The following TCEA1 variants were observed in gnomAD, a reference collection of about 807,000 sequenced individuals.
TCEA1 encodes the protein transcription elongation factor A protein 1.
Under a neutral mutation model 43.8 loss-of-function variants are expected in TCEA1, and 21 were observed. The ratio of observed to expected loss-of-function variants is 0.48; its 90% CI spans 0.34 to 0.69. The LOEUF (loss-of-function observed/expected upper bound fraction) is 0.69, where lower values mean the gene tolerates loss of function less well. TCEA1 is among the 30% of genes least tolerant of loss of function. The pLI, the probability that TCEA1 is intolerant of heterozygous loss-of-function variation, is 0.01. For missense variants in TCEA1, 250 were observed against 365.1 expected (o/e 0.68, Z 2.57); for synonymous variants, 104 against 117.5 (o/e 0.88, Z 0.75).
chr8:53,998,153 T>C, intron 3 of TCEA1, among the ~76,000 whole-genome samples: 1 of 152,200 alleles, frequency 6.6e-6, no homozygotes. Flanking sequence ...AATGTATATG[T>C]AAGATAAAAT....
At chr8:54,008,001 G>A (rs749452169) in intron 2 of TCEA1, among the ~76,000 whole-genome samples, 1 of 151,850 alleles carries the variant, frequency 6.6e-6, no homozygotes, top group Non-Finnish European at 1.5e-5. Flanking sequence ...GGCCAACATG[G>A]TGAAACCCCG....
In TCEA1 at chr8:54,022,235, CG is replaced by C; in HGVS notation, c.-111del. 7.7e-7 allele frequency: 1 copy of C among 1,290,920 alleles called. No individual in the cohort carries two copies. The highest frequency in any genetic ancestry group is 1.1e-6 in the Non-Finnish European group (1 of 911,538). The allele number at this position is 1,290,920 out of a possible 1,614,324, so 80.0% of individuals were successfully genotyped here. ...CCCGGCGCGCAGCAACCCCCACCAC[CG>C]CAGGCCCGGGCCTAGGCCCCCTTCC... On this transcript the variant is annotated 5_prime_UTR_variant, in exon 1 of 10. Transcript: ENST00000521604.
Position 53,984,347 on chromosome 8 carries a change from AT to A in TCEA1, c.678+15del. The A allele has an allele frequency of 6.3e-7, 1 of 1,582,114 alleles. No individual in the cohort carries two copies. Among genetic ancestry groups the A allele is most frequent in the Non-Finnish European group, 8.6e-7 (1 of 1,168,352 alleles). On this transcript the variant is annotated intron_variant, in intron 7 of 9. Transcript: ENST00000521604. ...CAGAATCACATTATAGAAACCTCAG[AT>A]TCACACATACTCACCTCTGCTGTCA... is the stretch of plus-strand genomic sequence containing the variant.
At chr8:53,998,971 G>A (rs528185018) in intron 3 of TCEA1, among the ~76,000 whole-genome samples, 1 of 152,288 alleles carries the variant, frequency 6.6e-6, no homozygotes, top group Admixed American at 6.5e-5. Flanking sequence ...GCTCACGCCT[G>A]TAATCCCAGC....
chr8:54,016,347 T>C (rs550069881), intron 1 of TCEA1, among the ~76,000 whole-genome samples: 8 of 152,116 alleles, frequency 5.3e-5, no homozygotes, highest in Non-Finnish European at 1.2e-4. Flanking sequence ...GCTGGGTGCC[T>C]GTAGCCCCAG....
intron 2 of TCEA1, among the ~76,000 whole-genome samples, chr8:54,004,377 C>T (rs971138082): frequency 3.3e-5 from 5 of 152,174 alleles, no homozygotes; most frequent in South Asian, 2.1e-4. Flanking sequence ...AAAGTCTAAA[C>T]GCATCACCTG....
chr8:54,006,351 C>T (rs764315362), intron 2 of TCEA1, among the ~76,000 whole-genome samples: 6 of 152,220 alleles, frequency 3.9e-5, no homozygotes, highest in Middle Eastern at 3.4e-3. Context: ...TGGTGATACA[C>T]GCCTGTAATC....
At chr8:53,972,748 G>A in intron 8 of TCEA1, 9 of 705,686 alleles carry the variant, frequency 1.3e-5, no homozygotes, top group South Asian at 1.2e-4. Flanking sequence ...CAACTCAAAT[G>A]ACTGAAGTAC....
At chr8:53,998,078 TG>T (rs1490192882) in intron 3 of TCEA1, among the ~76,000 whole-genome samples, 1 of 152,226 alleles carries the variant, frequency 6.6e-6, no homozygotes, top group African/African-American at 2.4e-5. Flanking sequence ...AAGCCCATTA[TG>T]AATTTGATAA....
At chr8:53,985,890 C>A (rs917968643) in intron 6 of TCEA1, among the ~76,000 whole-genome samples, 2 of 152,176 alleles carry the variant, frequency 1.3e-5, no homozygotes, top group Non-Finnish European at 2.9e-5. Context: ...AATTCAGACA[C>A]TACAGTCTCA....
intron 7 of TCEA1, among the ~76,000 whole-genome samples, chr8:53,979,450 T>C (rs957705191): frequency 1.3e-5 from 2 of 152,214 alleles, no homozygotes; most frequent in Non-Finnish European, 2.9e-5. Context: ...TGAGAGAAAT[T>C]GAACATGGCT....
intron 3 of TCEA1, among the ~76,000 whole-genome samples, chr8:53,995,940 G>C (rs915724001): frequency 6.6e-6 from 1 of 152,154 alleles, no homozygotes. Flanking sequence ...ACTGCTCCTT[G>C]TTATTCTCAA....
At chr8:54,014,113 A>T (rs1011499749) in intron 1 of TCEA1, among the ~76,000 whole-genome samples, 1 of 152,230 alleles carries the variant, frequency 6.6e-6, no homozygotes, top group Non-Finnish European at 1.5e-5. Context: ...CAAAAAAAAG[A>T]AACTTAAACC....
At chr8:54,000,805 CT>C (rs1283985165) in intron 2 of TCEA1, among the ~76,000 whole-genome samples, 1 of 148,490 alleles carries the variant, frequency 6.7e-6, no homozygotes, top group African/African-American at 2.6e-5. Context: ...GTCACCCAGG[CT>C]GGAGTGCAGT....
intron 2 of TCEA1, among the ~76,000 whole-genome samples, chr8:54,002,009 CA>C (rs200493311): frequency 0.055 from 8,322 of 150,110 alleles, 747 homozygotes; most frequent in African/African-American, 0.19. Context: ...AACAAACAAA[CA>C]AAAAACAAAT....
chr8:53,995,310 A>AG (rs1455158615), intron 3 of TCEA1, among the ~76,000 whole-genome samples: 2 of 150,926 alleles, frequency 1.3e-5, no homozygotes, highest in African/African-American at 4.9e-5. Context: ...AAAAAAAAAA[A>AG]AAAAAGAAAA....
intron 3 of TCEA1, among the ~76,000 whole-genome samples, chr8:53,995,268 C>T (rs945941950): frequency 4.1e-5 from 6 of 145,988 alleles, no homozygotes; most frequent in African/African-American, 1.5e-4. Flanking sequence ...GCACTCCAGC[C>T]TGGGTGACAG....
intron 6 of TCEA1, among the ~76,000 whole-genome samples, chr8:53,985,800 G>A (rs1280476719): frequency 6.6e-6 from 1 of 152,182 alleles, no homozygotes; most frequent in Non-Finnish European, 1.5e-5. Context: ...TCAGGTGACT[G>A]TGTGTGCTCT....
At chr8:53,973,788 C>T (rs544173488) in intron 8 of TCEA1, 6 of 434,750 alleles carry the variant, frequency 1.4e-5, no homozygotes, top group Admixed American at 6.4e-5. Flanking sequence ...TCCCTCAGAT[C>T]CCAATTTCAA....
Sources: gnomAD v4.1 joint callset for allele counts (sites outside exome capture counted in the v4.1 genomes callset) on GRCh38, gnomAD v4.1.1 for gene constraint, MANE v1.5 for transcripts, NCBI Gene and HGNC (gene_info 2026-07-23, HGNC 2026-07-21) for gene names.